Variants in MARCHF1 observed in about 807,000 individuals in gnomAD.
MARCHF1 encodes E3 ubiquitin-protein ligase MARCHF1.
In MARCHF1, 40 loss-of-function variants were observed where a neutral mutation model predicts 54.2. That is an observed-to-expected ratio of 0.74 (90% confidence interval 0.57 to 0.96). The LOEUF (loss-of-function observed/expected upper bound fraction) is 0.96. MARCHF1 is among the 40% of genes least tolerant of loss of function. The pLI is 0.00. For synonymous variants in MARCHF1, 236 were observed against 236.3 expected (o/e 1.00, Z 0.01); for missense variants, 586 against 656.5 (o/e 0.89, Z 1.17).
chr4:164,235,305 T>C (rs901878353), intron 1 of MARCHF1, among the ~76,000 whole-genome samples: 7 of 152,166 alleles, frequency 4.6e-5, no homozygotes, highest in African/African-American at 1.7e-4. Context: ...TATCTACTTA[T>C]TCTTTAGAAT....
chr4:164,089,900 TG>T (rs1295973731), intron 2 of MARCHF1, among the ~76,000 whole-genome samples: 1 of 151,870 alleles, frequency 6.6e-6, no homozygotes, highest in Non-Finnish European at 1.5e-5. Flanking sequence ...TATGTAAATC[TG>T]TTTAGATTCT....
intron 1 of MARCHF1, among the ~76,000 whole-genome samples, chr4:164,222,154 T>C (rs954782828): frequency 6.6e-6 from 1 of 151,960 alleles, no homozygotes. Flanking sequence ...ACGCTTTCCT[T>C]AGAAGCATAA....
intron 3 of MARCHF1, among the ~76,000 whole-genome samples, chr4:163,972,429 T>A (rs1398597280): frequency 6.6e-6 from 1 of 152,234 alleles, no homozygotes; most frequent in African/African-American, 2.4e-5. Context: ...GATTTTACAG[T>A]TTGTATTAGA....
intron 1 of MARCHF1, among the ~76,000 whole-genome samples, chr4:164,381,884 A>G (rs564191031): frequency 2.4e-4 from 36 of 152,352 alleles, no homozygotes; most frequent in African/African-American, 7.9e-4. Context: ...GGTGGAGCCT[A>G]TTGTGACAAT....
intron 2 of MARCHF1, among the ~76,000 whole-genome samples, chr4:163,990,150 A>T (rs565381597): frequency 1.3e-5 from 2 of 152,226 alleles, no homozygotes; most frequent in Non-Finnish European, 2.9e-5. Context: ...TTAAATATTC[A>T]CACTGAAATA....
intron 3 of MARCHF1, among the ~76,000 whole-genome samples, chr4:163,905,316 C>A (rs1351133285): frequency 6.6e-6 from 1 of 151,962 alleles, no homozygotes; most frequent in African/African-American, 2.4e-5. Flanking sequence ...TGAACATTCA[C>A]GAACATAGAT....
chr4:164,123,779 G>C (rs1242724131), intron 1 of MARCHF1, among the ~76,000 whole-genome samples: 1 of 151,926 alleles, frequency 6.6e-6, no homozygotes, highest in Non-Finnish European at 1.5e-5. Flanking sequence ...CCTAGCTTTT[G>C]CCATATATAA....
intron 1 of MARCHF1, among the ~76,000 whole-genome samples, chr4:164,143,546 C>T (rs1200018175): frequency 6.6e-6 from 1 of 151,090 alleles, no homozygotes; most frequent in Non-Finnish European, 1.5e-5. Context: ...GAATTTTCAA[C>T]CCAGAATTTC....
intron 8 of MARCHF1, among the ~76,000 whole-genome samples, chr4:163,553,872 A>G (rs1232450019): frequency 6.6e-6 from 1 of 152,232 alleles, no homozygotes; most frequent in African/African-American, 2.4e-5. Context: ...TCTCTGCCCC[A>G]GGGATGCTAT....
rs1169850987 is a variant in MARCHF1 at position 163,733,177 on chromosome 4, GTATATATATATA to G, written c.112-32326_112-32315del. ...TCTCTCTCTCTCTCTCTGTATGTGT[GTATATATATATA>G]TATATATATATATATATATATATAT... On this transcript the variant is annotated intron_variant, in intron 4 of 9. Transcript: ENST00000514618. 6.9e-3 allele frequency among the ~76,000 whole-genome samples: 121 copies of G among 17,504 alleles called. 3 individuals carry two copies. The highest frequency in any genetic ancestry group is 0.02 in the African/African-American group (80 of 4,022). 11.5% of individuals were successfully genotyped at this position (17,504 alleles called of 152,430 possible).
At chr4:164,268,238 A>G (rs1472605887) in intron 1 of MARCHF1, among the ~76,000 whole-genome samples, 1 of 152,162 alleles carries the variant, frequency 6.6e-6, no homozygotes, top group Non-Finnish European at 1.5e-5. Flanking sequence ...AAAGACCAAG[A>G]CAATTGTGCT....
At chr4:163,930,333 A>T (rs7679131) in intron 3 of MARCHF1, among the ~76,000 whole-genome samples, 149,258 of 151,882 alleles carry the variant, frequency 0.98, 73,404 homozygotes, top group Middle Eastern at 1. Context: ...AGGAACCAAC[A>T]GATCATTGCT....
intron 1 of MARCHF1, among the ~76,000 whole-genome samples, chr4:164,175,910 C>A (rs1156690640): frequency 6.6e-6 from 1 of 152,094 alleles, no homozygotes; most frequent in Non-Finnish European, 1.5e-5. Context: ...CCTAATACAC[C>A]CCTGTAATCT....
At chr4:164,228,015 T>C (rs1019332237) in intron 1 of MARCHF1, among the ~76,000 whole-genome samples, 1 of 152,122 alleles carries the variant, frequency 6.6e-6, no homozygotes, top group African/African-American at 2.4e-5. Flanking sequence ...AAAATTGAAA[T>C]ATTAAGAGGA....
intron 1 of MARCHF1, among the ~76,000 whole-genome samples, chr4:164,254,124 G>C (rs1247450741): frequency 6.6e-6 from 1 of 151,930 alleles, no homozygotes; most frequent in Non-Finnish European, 1.5e-5. Context: ...TTTTTTTTGA[G>C]AGAGTCTCAT....
chr4:164,056,398 T>A (rs1754490907), intron 2 of MARCHF1, among the ~76,000 whole-genome samples: 1 of 152,116 alleles, frequency 6.6e-6, no homozygotes, highest in African/African-American at 2.4e-5. Context: ...GCTCAAGAAA[T>A]CTCCTGAGCA....
At chr4:164,077,110 C>T (rs916777513) in intron 2 of MARCHF1, among the ~76,000 whole-genome samples, 10 of 152,124 alleles carry the variant, frequency 6.6e-5, no homozygotes, top group African/African-American at 1.9e-4. Flanking sequence ...GGAGGCATCA[C>T]GCTACTTGAC....
intron 1 of MARCHF1, among the ~76,000 whole-genome samples, chr4:164,207,953 G>T (rs1731657634): frequency 1.3e-5 from 2 of 151,904 alleles, no homozygotes; most frequent in South Asian, 4.2e-4. Context: ...ACCTGCACAT[G>T]TACCCCTGAA....
intron 4 of MARCHF1, among the ~76,000 whole-genome samples, chr4:163,739,910 T>C (rs542314364): frequency 6.6e-6 from 1 of 152,334 alleles, no homozygotes; most frequent in East Asian, 1.9e-4. Context: ...TATAATTCTC[T>C]TTGAGAGGGC....
Sources: gnomAD v4.1 joint callset for allele counts (sites outside exome capture counted in the v4.1 genomes callset) on GRCh38, gnomAD v4.1.1 for gene constraint, MANE v1.5 for transcripts, NCBI Gene and HGNC (gene_info 2026-07-23, HGNC 2026-07-21) for gene names.